The following PPP1R12A variants were observed in gnomAD, a reference collection of about 807,000 sequenced individuals.
PPP1R12A encodes protein phosphatase 1 regulatory subunit 12A, also known as myosin binding subunit.
A neutral mutation model predicts 139.6 loss-of-function variants in PPP1R12A; 19 were observed. That is an observed-to-expected ratio of 0.14 (90% CI 0.09 to 0.20). PPP1R12A has a LOEUF of 0.20. Among genes scored for constraint, PPP1R12A ranks in the 10% least tolerant of loss-of-function variants. The pLI, the probability that PPP1R12A is intolerant of heterozygous loss-of-function variation, is 1.00. For synonymous variants in PPP1R12A, 427 were observed against 420.6 expected (o/e 1.02, Z -0.19); for missense variants, 925 against 1,211.5 (o/e 0.76, Z 3.51).
intron 12 of PPP1R12A, chr12:79,806,828 A>G (rs964880130): frequency 6.1e-6 from 1 of 164,270 alleles, no homozygotes; most frequent in African/African-American, 2.4e-5. Context: ...CTTCAATATG[A>G]TACTACCAAC....
chr12:79,779,475 TG>T, intron 23 of PPP1R12A: 1 of 738,160 alleles, frequency 1.4e-6, no homozygotes, highest in Non-Finnish European at 2.0e-6. Flanking sequence ...TAAATGTTAA[TG>T]TTTTTAGGGT....
chr12:79,832,586 T>A (rs543404226), intron 3 of PPP1R12A, 95 bp from the exon 4 acceptor site: 2 of 1,288,450 alleles, frequency 1.6e-6, no homozygotes, highest in Non-Finnish European at 2.1e-6. Context: ...TTAAATAAAA[T>A]TAAAAGTGAA....
At position 79,934,839 on chromosome 12, in the gene PPP1R12A, G is replaced by A; in HGVS notation, c.93C>T (p.Arg31=). The A allele has an allele frequency of 1.2e-6, 2 of 1,611,144 alleles. No individual in the cohort carries two copies. Among genetic ancestry groups the A allele is most frequent in the Non-Finnish European group, 1.7e-6 (2 of 1,178,848 alleles). Reference sequence around the variant, plus strand: ...CGTCGAACTTCACCTTGGTCTTCTGGCGCTTCACCACCGGAGGCTCGAGGT... The same window carrying A: ...CGTCGAACTTCACCTTGGTCTTCTGACGCTTCACCACCGGAGGCTCGAGGT... ...ETDLEPPVVK[R]QKTKVKFDDG... Residue 31 remains arginine (R), a synonymous_variant, in exon 1 of 25, where the codon CGC becomes CGT. Transcript: ENST00000450142.
At chr12:79,810,038 GAA>G in intron 9 of PPP1R12A, 28 bp from the exon 10 acceptor site, 3 of 1,530,136 alleles carry the variant, frequency 2.0e-6, no homozygotes, top group South Asian at 2.4e-5. Flanking sequence ...TTTAGGAAAA[GAA>G]AAAAGAATTT....
At chr12:79,924,878 G>A (rs146951812) in intron 1 of PPP1R12A, among the ~76,000 whole-genome samples, 12 of 152,150 alleles carry the variant, frequency 7.9e-5, no homozygotes, top group African/African-American at 1.7e-4. Flanking sequence ...TCCACACAAC[G>A]TAAAGAGTTA....
intron 5 of PPP1R12A, among the ~76,000 whole-genome samples, chr12:79,823,295 AG>A (rs566647136): frequency 2.5e-3 from 374 of 152,254 alleles, no homozygotes; most frequent in Middle Eastern, 6.8e-3. Context: ...GAAAAAAAAA[AG>A]TTTTTAGCAA....
intron 2 of PPP1R12A, among the ~76,000 whole-genome samples, chr12:79,861,952 A>G (rs1015373616): frequency 6.6e-6 from 1 of 152,208 alleles, no homozygotes; most frequent in Non-Finnish European, 1.5e-5. Context: ...AGCTCTGAAG[A>G]GAGCAGTGGC....
At chr12:79,933,848 T>C (rs956688941) in intron 1 of PPP1R12A, among the ~76,000 whole-genome samples, 3 of 152,234 alleles carry the variant, frequency 2.0e-5, no homozygotes, top group African/African-American at 7.2e-5. Flanking sequence ...AGCTTTCTTT[T>C]TTCCCAACCC....
chr12:79,935,127 C>T (rs976313183), upstream of PPP1R12A: 8 of 1,365,052 alleles, frequency 5.9e-6, no homozygotes, highest in African/African-American at 6.0e-5. Context: ...AGCGGACCTC[C>T]CTTCCTACCA....
chr12:79,857,238 A>T (rs1880773723), intron 2 of PPP1R12A, among the ~76,000 whole-genome samples: 1 of 152,122 alleles, frequency 6.6e-6, no homozygotes, highest in Admixed American at 6.6e-5. Flanking sequence ...TACACCATGG[A>T]ATACTATGCA....
chr12:79,898,548 C>A (rs976999067), intron 1 of PPP1R12A, among the ~76,000 whole-genome samples: 1 of 152,196 alleles, frequency 6.6e-6, no homozygotes, highest in African/African-American at 2.4e-5. Context: ...ATTCTTTCCA[C>A]ATAAGTTTTT....
chr12:79,846,596 A>ATTTTTTTTT (rs74933339), intron 2 of PPP1R12A, among the ~76,000 whole-genome samples: 1 of 127,706 alleles, frequency 7.8e-6, no homozygotes, highest in African/African-American at 3.2e-5. Context: ...CGCGTGGCTC[A>ATTTTTTTTT]TTTTTTTTTT....
chr12:79,886,131 G>C (rs1368481821), intron 1 of PPP1R12A, among the ~76,000 whole-genome samples: 1 of 152,184 alleles, frequency 6.6e-6, no homozygotes, highest in Non-Finnish European at 1.5e-5. Flanking sequence ...AAGAGGAACT[G>C]AATTGGATAC....
intron 1 of PPP1R12A, among the ~76,000 whole-genome samples, chr12:79,880,447 G>C (rs1040645810): frequency 6.6e-6 from 1 of 152,214 alleles, no homozygotes; most frequent in South Asian, 2.1e-4. Context: ...ACAGGATAAG[G>C]CTAAGTGGTA....
At chr12:79,825,224 C>T (rs1206419964) in intron 5 of PPP1R12A, 1 of 151,932 alleles carries the variant, frequency 6.6e-6, no homozygotes, top group African/African-American at 2.4e-5. Flanking sequence ...TTCTTGTGTC[C>T]ATTAATAGCA....
intron 1 of PPP1R12A, among the ~76,000 whole-genome samples, chr12:79,920,096 C>T (rs999535622): frequency 6.6e-6 from 1 of 152,224 alleles, no homozygotes; most frequent in Admixed American, 6.5e-5. Context: ...TTTGCCTATT[C>T]TGGACATTTC....
chr12:79,931,689 T>C (rs894864233), intron 1 of PPP1R12A, among the ~76,000 whole-genome samples: 52 of 152,280 alleles, frequency 3.4e-4, no homozygotes, highest in African/African-American at 1.2e-3. Flanking sequence ...ATTGCCCCAT[T>C]GGTAATAATG....
intron 1 of PPP1R12A, among the ~76,000 whole-genome samples, chr12:79,925,622 T>C (rs1165830976): frequency 6.6e-6 from 1 of 152,226 alleles, no homozygotes; most frequent in Non-Finnish European, 1.5e-5. Context: ...TTCTACTGAA[T>C]GTCATTTCAG....
chr12:79,845,169 C>T, intron 3 of PPP1R12A, 133 bp downstream of exon 3: 1 of 666,438 alleles, frequency 1.5e-6, no homozygotes, highest in Admixed American at 2.5e-5. Context: ...ACATACTGTA[C>T]TATTGTTTTG....
Sources: allele counts gnomAD v4.1 joint callset (sites outside exome capture counted in the v4.1 genomes callset), GRCh38; gene constraint gnomAD v4.1.1; transcripts MANE v1.5; gene names NCBI Gene and HGNC (gene_info 2026-07-23, HGNC 2026-07-21).